BPIFB4: variants seen among roughly 807,000 people sequenced by gnomAD.
The protein encoded by BPIFB4 is BPI fold-containing family B member 4.
A neutral mutation model predicts 69.2 loss-of-function variants in BPIFB4; 62 were observed. That is an observed-to-expected ratio of 0.90 (90% confidence interval 0.73 to 1.11). The LOEUF is 1.11. BPIFB4 is among the 50% of genes least tolerant of loss of function. The pLI, the probability that BPIFB4 is intolerant of heterozygous loss-of-function variation, is 0.00. For missense variants in BPIFB4, 789 were observed against 792.0 expected (o/e 1.00, Z 0.04); for synonymous variants, 330 against 332.7 (o/e 0.99, Z 0.09).
chr20:33,081,694 C>T, intron 3 of BPIFB4, 62 bp downstream of exon 3: 2 of 1,536,896 alleles, frequency 1.3e-6, no homozygotes, highest in Non-Finnish European at 8.8e-7. Context: ...TCTGCCAACT[C>T]TGAAGTACCC....
chr20:33,089,057 A>AG, intron 8 of BPIFB4, 28 bp downstream of exon 8: 1 of 1,613,558 alleles, frequency 6.2e-7, no homozygotes, highest in African/African-American at 1.3e-5. Context: ...TATGGGAGCA[A>AG]GGGGCACAGG....
chr20:33,085,009 G>A lies in BPIFB4; in HGVS notation c.782+13G>A. Reference sequence around the variant, plus strand: ...TCAACGGGAAGAGGTGCGTGCCCTTGGCCCTGGAGGGGTCCCCACCACCCT... The same window carrying A: ...TCAACGGGAAGAGGTGCGTGCCCTTAGCCCTGGAGGGGTCCCCACCACCCT... On this transcript the variant is annotated intron_variant, in intron 6 of 17. Transcript: ENST00000375483. 6.2e-7 allele frequency: 1 copy of A among 1,608,038 alleles called. No homozygotes were observed. Among genetic ancestry groups the A allele is most frequent in the Non-Finnish European group, 8.5e-7 (1 of 1,178,796 alleles).
Position 33,083,363 on chromosome 20 carries a change from C to G in BPIFB4, c.170-4C>G. Reference sequence around the variant, plus strand: ...TGACTACAGACGCATTGAATTCCCCCGAGGTGTTGGTGATATTCCCTACAA... The same window carrying G: ...TGACTACAGACGCATTGAATTCCCCGGAGGTGTTGGTGATATTCCCTACAA... On this transcript the variant is annotated splice_region_variant and splice_polypyrimidine_tract_variant and intron_variant, in intron 4 of 17. Transcript: ENST00000375483. 6.2e-7 allele frequency: 1 copy of G among 1,611,002 alleles called. No individual in the cohort carries two copies. The highest frequency in any genetic ancestry group is 8.5e-7 in the Non-Finnish European group (1 of 1,178,020).
At position 33,095,098 on chromosome 20, in the gene BPIFB4, A is replaced by G. The variant is rs766602570; in HGVS notation, c.1345-2A>G. On this transcript the variant is annotated splice_acceptor_variant, in intron 11 of 17. Transcript: ENST00000375483. LOFTEE classifies it high-confidence loss of function. ...CACGTGGCCCTTCTTCTTGTCCTAT[A>G]GTTTGAAGAGCTTCCTCCACTTACC... is the stretch of plus-strand genomic sequence containing the variant. 4.3e-6 allele frequency: 7 copies of G among 1,610,962 alleles called. No individual in the cohort carries two copies. The East Asian group carries it at 1.6e-4, about 36-fold the overall frequency.
At chr20:33,085,772 G>T (rs1330894441) in intron 6 of BPIFB4, among the ~76,000 whole-genome samples, 3 of 152,192 alleles carry the variant, frequency 2.0e-5, no homozygotes, top group Non-Finnish European at 4.4e-5. Flanking sequence ...CTAGGCAATT[G>T]GGAGTCACCT....
Position 33,085,054 on chromosome 20 carries a change from C to T in BPIFB4, c.782+58C>T, listed in dbSNP as rs560742241. On this transcript the variant is annotated intron_variant, in intron 6 of 17. Transcript: ENST00000375483. ...CACCCTATGGCCCAACCTCTGTATC[C>T]ATAACACAGAGGCTAGGAAGACCTA... 1.5e-4 allele frequency: 228 copies of T among 1,571,806 alleles called. No individual in the cohort carries two copies. In the East Asian group the frequency reaches 3.9e-3, roughly 27 times the overall value.
At position 33,089,042 on chromosome 20, in the gene BPIFB4, C is replaced by T. The variant is rs758821968; in HGVS notation, c.990+13C>T. Reference sequence around the variant, plus strand: ...CCTCCCTGACTTGGTAAGAAGCTGTCCCAGTATGGGAGCAAGGGGCACAGG... The same window carrying T: ...CCTCCCTGACTTGGTAAGAAGCTGTTCCAGTATGGGAGCAAGGGGCACAGG... On this transcript the variant is annotated intron_variant, in intron 8 of 17. Transcript: ENST00000375483. 14 of 1,613,746 alleles carry T rather than the reference C, an allele frequency of 8.7e-6. No individual in the cohort carries two copies. The highest frequency in any genetic ancestry group is 1.2e-5 in the Non-Finnish European group (14 of 1,179,846).
chr20:33,084,499 G>A (rs1981358228), intron 5 of BPIFB4, among the ~76,000 whole-genome samples: 1 of 152,206 alleles, frequency 6.6e-6, no homozygotes, highest in African/African-American at 2.4e-5. Context: ...GAGGTCAAGG[G>A]AGGCTTCCTG....
chr20:33,086,112 A>G lies in BPIFB4; in HGVS notation c.874A>G (p.Ile292Val). 1 of 1,613,440 alleles carries G rather than the reference A, an allele frequency of 6.2e-7. No homozygotes were observed. Among genetic ancestry groups the G allele is most frequent in the Non-Finnish European group, 8.5e-7 (1 of 1,179,420 alleles). ...CCGCACGGGTTATCCTCGGCTGGTC[A>G]TTGAGCGATGTGACACCCTCCTAGG... Reference protein sequence around the residue: ...MDRTGYPRLVIERCDTLLGGI... With the variant: ...MDRTGYPRLVVERCDTLLGGI... Residue 292 changes from isoleucine to valine, a missense_variant, in exon 7 of 18, where the codon ATT (isoleucine) becomes GTT (valine). Physicochemically the swap from Ile to Val is conservative, Grantham distance 29. This residue lies in a region of BPIFB4 where 611 missense variants were observed against 575.4 expected (regional missense o/e 1.06). Coordinates refer to ENST00000375483, the MANE Select transcript of BPIFB4 (RefSeq NM_182519.3).
rs2146402613 is a variant in BPIFB4 at position 33,083,746 on chromosome 20, C to T, written c.549C>T (p.Ile183=). 6.2e-7 allele frequency: 1 copy of T among 1,613,876 alleles called. No individual in the cohort carries two copies. The highest frequency in any genetic ancestry group is 8.5e-7 in the Non-Finnish European group (1 of 1,179,864). ...GAGGCATGCTGGCAGCTGATGGCAT[C>T]CTCGCAGGCCAAGGTGGCCTGCTCG... ...GTGGMLAADG[I]LAGQGGLLGG... is the part of the protein sequence containing the mutation. Residue 183 remains isoleucine (I), a synonymous_variant, in exon 5 of 18, where the codon ATC becomes ATT. Coordinates refer to ENST00000375483, the MANE Select transcript of BPIFB4 (RefSeq NM_182519.3).
At chr20:33,090,148 G>A (rs191079415) in intron 9 of BPIFB4, among the ~76,000 whole-genome samples, 77 of 152,306 alleles carry the variant, frequency 5.1e-4, no homozygotes, top group African/African-American at 1.7e-3. Flanking sequence ...GCAGTGCCTC[G>A]AGTTGTGCAG....
In BPIFB4 at chr20:33,083,470, G is replaced by C. The variant is rs753258337; in HGVS notation, c.273G>C (p.Glu91Asp). The change falls in exon 5 of 18, where the codon GAG becomes GAC. Residue 91 changes from glutamate (E) to aspartate (D), a missense_variant. Physicochemically the swap from Glu to Asp is conservative, Grantham distance 45 (BLOSUM62 2). Coordinates refer to ENST00000375483, the MANE Select transcript of BPIFB4 (RefSeq NM_182519.3). ...LDGIYQYGHIETNDNTAQLGG... is the reference protein window; with the variant it reads ...LDGIYQYGHIDTNDNTAQLGG... ...GTATTTACCAGTATGGTCACATTGA[G>C]ACCAACGACAACACTGCTCAGCTGG... is the stretch of plus-strand genomic sequence containing the variant. The C allele has an allele frequency of 6.2e-7, 1 of 1,613,888 alleles. No homozygotes were observed. Among genetic ancestry groups the C allele is most frequent in the South Asian group, 1.1e-5 (1 of 91,062 alleles).
chr20:33,085,921 G>A (rs557264035), intron 6 of BPIFB4, 100 bp from the exon 7 acceptor site: 48 of 1,408,134 alleles, frequency 3.4e-5, no homozygotes, highest in African/African-American at 9.9e-5. Context: ...AGCAAGGAGC[G>A]TAGCAGATGG....
chr20:33,108,423 C>CTA (rs756747954), intron 17 of BPIFB4, among the ~76,000 whole-genome samples: 28 of 125,704 alleles, frequency 2.2e-4, no homozygotes, highest in East Asian at 1.9e-3. Flanking sequence ...ATATATATGT[C>CTA]TATATATATA....
intron 3 of BPIFB4, among the ~76,000 whole-genome samples, chr20:33,082,184 T>C (rs2073325): frequency 0.38 from 58,340 of 151,964 alleles, 11,963 homozygotes; most frequent in African/African-American, 0.53. Flanking sequence ...CAGGCTATCA[T>C]GAGCATAAAA....
In BPIFB4 at chr20:33,111,679, A is replaced by G. The variant is rs1319155564; in HGVS notation, c.*242A>G. ...AGGAGGGGAGTCACCTTGGGGCTGG[A>G]GGCCTCTCAGACCCCATCCTGACAG... On this transcript the variant is annotated 3_prime_UTR_variant, in exon 18 of 18. Coordinates refer to ENST00000375483, the MANE Select transcript of BPIFB4 (RefSeq NM_182519.3). 1 of 548,122 alleles carries G rather than the reference A, an allele frequency of 1.8e-6. No homozygotes were observed. Among genetic ancestry groups the G allele is most frequent in the Non-Finnish European group, 3.3e-6 (1 of 304,830 alleles). 34.0% of individuals were successfully genotyped at this position (548,122 alleles called of 1,614,324 possible). A position where few individuals can be genotyped will look rare whatever the true frequency, so the allele number is the denominator to read the frequency against.
intron 14 of BPIFB4, among the ~76,000 whole-genome samples, chr20:33,102,648 C>A (rs540804583): frequency 2.0e-5 from 3 of 152,166 alleles, no homozygotes; most frequent in Non-Finnish European, 4.4e-5. Context: ...GGGAATATCC[C>A]CTTTAGTCCT....
At position 33,090,785 on chromosome 20, in the gene BPIFB4, G is replaced by T. The variant is rs761224454; in HGVS notation, c.1129G>T (p.Glu377Ter). 7.1e-5 allele frequency: 115 copies of T among 1,614,032 alleles called. No individual in the cohort carries two copies. The highest frequency in any genetic ancestry group is 8.9e-5 in the Non-Finnish European group (105 of 1,180,028). Reference sequence around the variant, plus strand: ...CCCGCTTGTGACCGGGGAATTCCTGGAGCTGGACCTCAACGTGAGTGCCTG... The same window carrying T: ...CCCGCTTGTGACCGGGGAATTCCTGTAGCTGGACCTCAACGTGAGTGCCTG... ...SLPLVTGEFL[E>*]LDLNTLVGEA... Residue 377 changes from glutamate (E) to a stop codon, truncating the protein, a stop_gained, in exon 10 of 18, where the codon GAG becomes TAG. Transcript: ENST00000375483. LOFTEE classifies it high-confidence loss of function.
chr20:33,104,756 T>C (rs1235154093), intron 15 of BPIFB4, 54 bp from the exon 16 acceptor site: 2 of 1,568,640 alleles, frequency 1.3e-6, no homozygotes, highest in Admixed American at 1.7e-5. Context: ...CAAGGGGCCC[T>C]CTGGAGCTGA....
Sources: gnomAD v4.1 joint callset for allele counts (sites outside exome capture counted in the v4.1 genomes callset) on GRCh38, gnomAD v4.1.1 for gene constraint, gnomAD v4.1.1 regional missense constraint, MANE v1.5 for transcripts, NCBI Gene and HGNC (gene_info 2026-07-23, HGNC 2026-07-21) for gene names.